The following MACROD2 variants were observed in gnomAD, a reference collection of about 807,000 sequenced individuals.
The protein encoded by MACROD2 is ADP-ribose glycohydrolase MACROD2.
In MACROD2, 36 loss-of-function variants were observed where a neutral mutation model predicts 70.4. That is an observed-to-expected ratio of 0.51 (90% CI 0.39 to 0.68). The LOEUF (loss-of-function observed/expected upper bound fraction) is 0.68. MACROD2 is among the 30% of genes least tolerant of loss of function. The pLI is 0.00. For synonymous variants in MACROD2, 172 were observed against 178.8 expected (o/e 0.96, Z 0.30); for missense variants, 496 against 538.4 (o/e 0.92, Z 0.78).
At chr20:15,234,016 T>TA (rs2076989045) in intron 6 of MACROD2, among the ~76,000 whole-genome samples, 1 of 10,106 alleles carries the variant, frequency 9.9e-5, no homozygotes, top group Non-Finnish European at 2.0e-4. Context: ...TATATTCTTT[T>TA]TTTTTTTTTT....
intron 2 of MACROD2, chr20:14,051,996 A>C (rs2053573825): frequency 2.0e-6 from 1 of 497,072 alleles, no homozygotes; most frequent in Non-Finnish European, 4.0e-6. Context: ...TGCCTGGAAC[A>C]AGTTATGGAA....
rs57817982 is a variant in MACROD2 at position 15,876,109 on chromosome 20, A to ATATATATATATATATATG, written c.728-9652_728-9651insATATATATATATATGTAT. On this transcript the variant is annotated intron_variant, in intron 9 of 17. Transcript: ENST00000684519. ...ATGTCTTTTATATATATATATATAT[A>ATATATATATATATATATG]TATGTGTGTATTTTTTTTATTACAC... is the stretch of plus-strand genomic sequence containing the variant. Among the ~76,000 whole-genome samples the ATATATATATATATATATG allele has an allele frequency of 1.7e-3, 207 of 124,384 alleles. 8 individuals carry two copies. Among genetic ancestry groups the ATATATATATATATATATG allele is most frequent in the African/African-American group, 6.4e-3 (171 of 26,538 alleles). The allele number at this position is 124,384 out of a possible 152,430, so 81.6% of individuals were successfully genotyped here.
intron 5 of MACROD2, among the ~76,000 whole-genome samples, chr20:14,932,408 A>G (rs1404394321): frequency 1.3e-5 from 2 of 152,104 alleles, no homozygotes; most frequent in African/African-American, 4.8e-5. Flanking sequence ...CTCCAGAGCT[A>G]CATCTCTCTT....
intron 6 of MACROD2, among the ~76,000 whole-genome samples, chr20:15,274,868 C>A (rs949738297): frequency 1.3e-5 from 2 of 152,132 alleles, no homozygotes; most frequent in Non-Finnish European, 2.9e-5. Context: ...CTGACCTATC[C>A]TGGAAGTTTG....
intron 3 of MACROD2, among the ~76,000 whole-genome samples, chr20:14,114,642 T>C (rs896772751): frequency 5.9e-5 from 9 of 151,976 alleles, no homozygotes; most frequent in African/African-American, 2.2e-4. Context: ...AAGAAGGAAT[T>C]TTGAGAAACG....
At chr20:14,157,156 C>A (rs2055114578) in intron 3 of MACROD2, among the ~76,000 whole-genome samples, 1 of 152,162 alleles carries the variant, frequency 6.6e-6, no homozygotes, top group African/African-American at 2.4e-5. Flanking sequence ...GTGAGGCTCC[C>A]TATTCATGCT....
At chr20:15,316,062 C>T (rs1392042610) in intron 6 of MACROD2, among the ~76,000 whole-genome samples, 1 of 141,814 alleles carries the variant, frequency 7.1e-6, no homozygotes, top group Non-Finnish European at 1.5e-5. Flanking sequence ...CTTTAAAAAA[C>T]ACACAAAAAG....
intron 8 of MACROD2, among the ~76,000 whole-genome samples, chr20:15,504,429 T>TA (rs1245825670): frequency 6.6e-6 from 1 of 152,084 alleles, no homozygotes; most frequent in Non-Finnish European, 1.5e-5. Flanking sequence ...AAAAATGACT[T>TA]AGAACTGAAA....
chr20:14,736,934 G>C (rs753240910), intron 5 of MACROD2, among the ~76,000 whole-genome samples: 12 of 152,024 alleles, frequency 7.9e-5, no homozygotes, highest in Non-Finnish European at 1.8e-4. Context: ...AACAGAATCT[G>C]TATCACCATT....
At chr20:15,535,116 C>T (rs1238323422) in intron 8 of MACROD2, among the ~76,000 whole-genome samples, 1 of 152,066 alleles carries the variant, frequency 6.6e-6, no homozygotes, top group Non-Finnish European at 1.5e-5. Context: ...ACTGGGACAA[C>T]AGGCAGGTGC....
At chr20:16,039,792 T>C (rs2067284051) in intron 15 of MACROD2, among the ~76,000 whole-genome samples, 1 of 151,972 alleles carries the variant, frequency 6.6e-6, no homozygotes, top group Non-Finnish European at 1.5e-5. Flanking sequence ...GTTTTGTTTT[T>C]CCTTTTCCAC....
At chr20:15,968,422 C>T (rs908381332) in intron 13 of MACROD2, among the ~76,000 whole-genome samples, 30 of 151,992 alleles carry the variant, frequency 2.0e-4, no homozygotes, top group Non-Finnish European at 3.4e-4. Context: ...CCCAGGTACC[C>T]TTTCTGAATA....
chr20:15,007,110 A>T (rs2075044273), intron 5 of MACROD2, among the ~76,000 whole-genome samples: 1 of 152,166 alleles, frequency 6.6e-6, no homozygotes, highest in Non-Finnish European at 1.5e-5. Context: ...CACTTCTGTA[A>T]TCCCAGCACT....
chr20:15,467,022 GTCC>G (rs1422796025), intron 7 of MACROD2, among the ~76,000 whole-genome samples: 2 of 152,194 alleles, frequency 1.3e-5, no homozygotes, highest in African/African-American at 4.8e-5. Context: ...CCTGCCCATG[GTCC>G]TCCTGTCTAT....
At chr20:15,490,108 C>T (rs537091565) in intron 7 of MACROD2, among the ~76,000 whole-genome samples, 1 of 150,174 alleles carries the variant, frequency 6.7e-6, no homozygotes, top group African/African-American at 2.5e-5. Context: ...AAAGTCACAC[C>T]ATACTTTGCA....
intron 5 of MACROD2, among the ~76,000 whole-genome samples, chr20:14,805,820 C>G (rs2072632350): frequency 6.6e-6 from 1 of 151,950 alleles, no homozygotes; most frequent in Admixed American, 6.6e-5. Context: ...AAAGTGAACC[C>G]TAGCAAGTGT....
intron 5 of MACROD2, among the ~76,000 whole-genome samples, chr20:15,206,757 T>G: frequency 7.4e-6 from 1 of 134,962 alleles, no homozygotes; most frequent in Non-Finnish European, 1.5e-5. Flanking sequence ...TGAGACGGAG[T>G]CTCGCTCTGT....
At chr20:15,248,784 C>T (rs1171897426) in intron 6 of MACROD2, among the ~76,000 whole-genome samples, 1 of 152,104 alleles carries the variant, frequency 6.6e-6, no homozygotes, top group Non-Finnish European at 1.5e-5. Flanking sequence ...TCTGCCTCAC[C>T]CCTCTCCTTC....
At position 15,252,829 on chromosome 20, in the gene MACROD2, A is replaced by C. The variant is rs187611590; in HGVS notation, c.540+22768A>C. On this transcript the variant is annotated intron_variant, in intron 6 of 17. Transcript: ENST00000684519. ...TGCAAATTTGTGGACACACCATGGC[A>C]TCCACAGACTCACCAGAGAAGGATG... Among the ~76,000 whole-genome samples the C allele has an allele frequency of 4.5e-3, 679 of 152,274 alleles. 6 individuals carry two copies. The highest frequency in any genetic ancestry group is 0.032 in the South Asian group (155 of 4,826).
Sources: allele counts gnomAD v4.1 joint callset (sites outside exome capture counted in the v4.1 genomes callset), GRCh38; gene constraint gnomAD v4.1.1; transcripts MANE v1.5; gene names NCBI Gene and HGNC (gene_info 2026-07-23, HGNC 2026-07-21).